Variants in COL4A3 observed in about 807,000 individuals in gnomAD.
COL4A3 encodes the protein collagen type IV alpha 3 chain, also known as collagen alpha-3(IV) chain.
In COL4A3, 135 loss-of-function variants were observed where a neutral mutation model predicts 217.4. That is an observed-to-expected ratio of 0.62 (90% CI 0.54 to 0.72). The LOEUF is 0.72. Among genes scored for constraint, COL4A3 ranks in the 30% least tolerant of loss-of-function variants. The pLI is 0.00. For missense variants in COL4A3, 1,868 were observed against 2,119.9 expected, an observed-to-expected ratio of 0.88 and a Z score of 2.33; for synonymous variants, 690 against 736.3, an observed-to-expected ratio of 0.94 and a Z score of 1.02.
chr2:227,233,172 C>T (rs2068501585), intron 1 of COL4A3, among the ~76,000 whole-genome samples: 1 of 152,058 alleles, frequency 6.6e-6, no homozygotes. Context: ...CACCACCAAA[C>T]CCTGCTAATT....
At chr2:227,280,382 C>T (rs1341690385) in intron 29 of COL4A3, 58 bp from the exon 30 acceptor site, 3 of 1,588,126 alleles carry the variant, frequency 1.9e-6, no homozygotes, top group Non-Finnish European at 2.6e-6. Context: ...AACAGAGAGT[C>T]AATATCAGTG....
At chr2:227,310,348 A>C (rs1186167151) in intron 50 of COL4A3, among the ~76,000 whole-genome samples, 1 of 152,144 alleles carries the variant, frequency 6.6e-6, no homozygotes, top group African/African-American at 2.4e-5. Context: ...GGCTCACTGC[A>C]ATCTCCACCT....
intron 1 of COL4A3, among the ~76,000 whole-genome samples, chr2:227,235,449 CTTCAT>C (rs1183809030): frequency 6.6e-6 from 1 of 152,080 alleles, no homozygotes; most frequent in Non-Finnish European, 1.5e-5. Flanking sequence ...GTTACTTTCT[CTTCAT>C]TTATTTCAAT....
chr2:227,243,589 C>A (rs2069150351), intron 3 of COL4A3, among the ~76,000 whole-genome samples: 1 of 152,302 alleles, frequency 6.6e-6, no homozygotes, highest in Admixed American at 6.5e-5. Flanking sequence ...TCTGTAACAA[C>A]CCTTTTCTCA....
intron 1 of COL4A3, among the ~76,000 whole-genome samples, chr2:227,232,589 G>A (rs558269882): frequency 2.6e-5 from 4 of 152,028 alleles, no homozygotes; most frequent in East Asian, 1.9e-4. Context: ...ATGATATCTC[G>A]GTGTAGTTTT....
At chr2:227,205,543 A>T (rs973771578) in intron 1 of COL4A3, among the ~76,000 whole-genome samples, 1 of 152,080 alleles carries the variant, frequency 6.6e-6, no homozygotes, top group Non-Finnish European at 1.5e-5. Flanking sequence ...ATGATCCCAG[A>T]CATGTAAGCA....
chr2:227,270,060 C>A, intron 24 of COL4A3, 80 bp downstream of exon 24: 2 of 1,189,058 alleles, frequency 1.7e-6, no homozygotes, highest in Non-Finnish European at 1.2e-6. Context: ...ACACACTTAC[C>A]AGTTTGGTGC....
intron 3 of COL4A3, among the ~76,000 whole-genome samples, chr2:227,241,918 T>C (rs1375509925): frequency 2.6e-5 from 4 of 152,124 alleles, no homozygotes; most frequent in Non-Finnish European, 4.4e-5. Context: ...ACAGAGCACT[T>C]GAGTAATTTT....
intron 1 of COL4A3, among the ~76,000 whole-genome samples, chr2:227,211,290 C>T (rs2067311865): frequency 1.3e-5 from 2 of 152,130 alleles, no homozygotes; most frequent in African/African-American, 2.4e-5. Context: ...TGTGCCACTG[C>T]ACGCGGCCCC....
chr2:227,241,322 T>A (rs534395034), intron 3 of COL4A3, among the ~76,000 whole-genome samples: 71 of 152,302 alleles, frequency 4.7e-4, no homozygotes, highest in African/African-American at 1.6e-3. Context: ...TAATAAGCTA[T>A]GAAAAATGAT....
intron 18 of COL4A3, among the ~76,000 whole-genome samples, chr2:227,259,002 G>A (rs967037891): frequency 3.0e-4 from 45 of 149,608 alleles, no homozygotes; most frequent in African/African-American, 1.1e-3. Flanking sequence ...AAAAAGCAAA[G>A]AGGTTTTTTT....
At chr2:227,219,454 C>T (rs949639287) in intron 1 of COL4A3, among the ~76,000 whole-genome samples, 2 of 152,322 alleles carry the variant, frequency 1.3e-5, no homozygotes, top group South Asian at 2.1e-4. Flanking sequence ...ATCCCAAAGA[C>T]TTTTGTTAAT....
chr2:227,177,826 C>T (rs566293006), intron 1 of COL4A3, among the ~76,000 whole-genome samples: 2 of 152,272 alleles, frequency 1.3e-5, no homozygotes, highest in East Asian at 3.9e-4. Context: ...TGAGTGCCCT[C>T]TGGGTTATCA....
intron 1 of COL4A3, among the ~76,000 whole-genome samples, chr2:227,207,632 G>C (rs367877311): frequency 2.0e-5 from 3 of 152,200 alleles, no homozygotes; most frequent in African/African-American, 7.2e-5. Flanking sequence ...ACTAGTTAGG[G>C]GTTCACATAC....
intron 1 of COL4A3, among the ~76,000 whole-genome samples, chr2:227,186,083 A>C (rs1316258761): frequency 1.3e-5 from 2 of 152,204 alleles, no homozygotes; most frequent in African/African-American, 4.8e-5. Context: ...TAACTAGAAT[A>C]GCTGGTTGTG....
At position 227,250,455 on chromosome 2, in the gene COL4A3, C is replaced by G. The variant is rs113719010; in HGVS notation, c.547-685C>G. ...TCCCAGCTACTTGGGAAAGCTGAGACAGGAAGGTCTCTTGAGCCTAGTTAT... is the reference window on the plus strand; with the variant it reads ...TCCCAGCTACTTGGGAAAGCTGAGAGAGGAAGGTCTCTTGAGCCTAGTTAT... On this transcript the variant is annotated intron_variant, in intron 9 of 51. Transcript: ENST00000396578. The surrounding 1 kb of genome is among the most constrained non-coding windows in gnomAD (Gnocchi z 4.1). Among the ~76,000 whole-genome samples, 2,064 of 152,140 alleles carry G rather than the reference C, an allele frequency of 0.014. 43 individuals carry two copies. Among genetic ancestry groups the G allele is most frequent in the African/African-American group, 0.047 (1,952 of 41,470 alleles).
chr2:227,283,736 C>T (rs186749213), intron 32 of COL4A3, 31 bp from the exon 33 acceptor site: 105 of 1,573,312 alleles, frequency 6.7e-5, no homozygotes, highest in Non-Finnish European at 8.4e-5. Flanking sequence ...CTGTACAACA[C>T]GTGCTGCTTT....
chr2:227,174,278 T>G (rs2065595502), intron 1 of COL4A3, among the ~76,000 whole-genome samples: 1 of 152,150 alleles, frequency 6.6e-6, no homozygotes, highest in Non-Finnish European at 1.5e-5. Flanking sequence ...GGAAATATAT[T>G]GAAAACCAAC....
At chr2:227,217,284 T>TGGGAATTATGGGAGCTA (rs2067561495) in intron 1 of COL4A3, among the ~76,000 whole-genome samples, 3 of 152,200 alleles carry the variant, frequency 2.0e-5, no homozygotes, top group African/African-American at 7.2e-5. Flanking sequence ...CCACAACATG[T>TGGGAATTATGGGAGCTA]GGGAATTATG....
Sources: allele counts gnomAD v4.1 joint callset (sites outside exome capture counted in the v4.1 genomes callset), GRCh38; gene constraint gnomAD v4.1.1; non-coding constraint Gnocchi (gnomAD v3.1); transcripts MANE v1.5; gene names NCBI Gene and HGNC (gene_info 2026-07-23, HGNC 2026-07-21).